The following ITGB6 variants were observed in gnomAD, a reference collection of about 807,000 sequenced individuals.
ITGB6 encodes integrin beta-6.
ITGB6 carries 80 observed loss-of-function variants against 84.5 expected under a neutral mutation model. That is an observed-to-expected ratio of 0.95 (90% confidence interval 0.79 to 1.14). The LOEUF (loss-of-function observed/expected upper bound fraction) is 1.14. Ranked by LOEUF, ITGB6 falls within the 50% of genes most tolerant of loss-of-function variation. ITGB6 has a pLI of 0.00. For synonymous variants in ITGB6, 383 were observed against 354.9 expected, an observed-to-expected ratio of 1.08 and a Z score of -0.89; for missense variants, 1,006 against 968.0, an observed-to-expected ratio of 1.04 and a Z score of -0.52.
intron 6 of ITGB6, among the ~76,000 whole-genome samples, chr2:160,171,793 T>C (rs536903620): frequency 6.6e-6 from 1 of 152,334 alleles, no homozygotes; most frequent in African/African-American, 2.4e-5. Context: ...CACATCTGCG[T>C]ATGCAACTGA....
intron 6 of ITGB6, among the ~76,000 whole-genome samples, chr2:160,169,579 T>C (rs534707194): frequency 6.7e-4 from 102 of 152,308 alleles, no homozygotes; most frequent in Admixed American, 1.2e-3. Flanking sequence ...AGAAGACCAT[T>C]TGAAATTTAT....
chr2:160,101,712 A>T lies in ITGB6; in HGVS notation c.*24T>A. On this transcript the variant is annotated 3_prime_UTR_variant, in exon 15 of 15. Transcript: ENST00000283249. ...TTAACATTTCATATCAGTGAAACAG[A>T]CTTTTTTCATGCATAAAGTAGTTCT... 7.9e-7 allele frequency: 1 copy of T among 1,258,114 alleles called. No homozygotes were observed. Among genetic ancestry groups the T allele is most frequent in the Non-Finnish European group, 1.2e-6 (1 of 857,606 alleles). The allele number at this position is 1,258,114 out of a possible 1,614,324, so 77.9% of individuals were successfully genotyped here. A position where few individuals can be genotyped will look rare whatever the true frequency, so the allele number is the denominator to read the frequency against.
At chr2:160,142,500 G>A (rs985422218) in intron 7 of ITGB6, among the ~76,000 whole-genome samples, 17 of 152,190 alleles carry the variant, frequency 1.1e-4, no homozygotes, top group Non-Finnish European at 1.8e-4. Context: ...GAATCAGGTC[G>A]CTCTGTAAGT....
At position 160,138,185 on chromosome 2, in the gene ITGB6, C is replaced by G; in HGVS notation, c.1122G>C (p.Glu374Asp). 1.2e-6 allele frequency: 2 copies of G among 1,609,514 alleles called. No individual in the cohort carries two copies. Residue 374 changes from glutamate to aspartate, a missense_variant, in exon 9 of 15, where the codon GAG (glutamate) becomes GAC (aspartate). Glu to Asp is a conservative substitution (Grantham distance 45). Coordinates refer to ENST00000283249, the MANE Select transcript of ITGB6 (RefSeq NM_000888.5). ...IISAYEELRS[E>D]VELEVLGDTE... Reference sequence around the variant, plus strand: ...TGTCTCCTAATACTTCCAGTTCCACCTCAGACCGCAGTTCCTTTAGTTACA... The same window carrying G: ...TGTCTCCTAATACTTCCAGTTCCACGTCAGACCGCAGTTCCTTTAGTTACA...
chr2:160,117,228 A>G (rs1682822726), intron 12 of ITGB6, among the ~76,000 whole-genome samples: 2 of 152,174 alleles, frequency 1.3e-5, no homozygotes, highest in Admixed American at 6.5e-5. Context: ...TCAGCACCAC[A>G]CCACACCTAT....
chr2:160,136,114 G>T (rs1683702138), intron 10 of ITGB6, among the ~76,000 whole-genome samples: 3 of 152,268 alleles, frequency 2.0e-5, no homozygotes, highest in African/African-American at 7.2e-5. Context: ...AGAGTGAACA[G>T]GCAACCTACA....
At position 160,126,394 on chromosome 2, in the gene ITGB6, G is replaced by T. The variant is rs768444834; in HGVS notation, c.1868C>A (p.Pro623His). Residue 623 changes from proline to histidine, a missense_variant, in exon 11 of 15, where the codon CCC (proline) becomes CAC (histidine). Coordinates refer to ENST00000283249, the MANE Select transcript of ITGB6 (RefSeq NM_000888.5). ...GAGACATTACCGTTTAGAGTTACAG[G>T]GGTCACCACAGGTAGGACATCGTTC... ...TCERCPTCGD[P>H]CNSKRSCIEC... 1 of 1,614,014 alleles carries T rather than the reference G, an allele frequency of 6.2e-7. No homozygotes were observed. Among genetic ancestry groups the T allele is most frequent in the Admixed American group, 1.7e-5 (1 of 60,012 alleles).
At chr2:160,165,809 A>G (rs1441271949) in intron 7 of ITGB6, among the ~76,000 whole-genome samples, 2 of 152,148 alleles carry the variant, frequency 1.3e-5, no homozygotes, top group African/African-American at 4.8e-5. Flanking sequence ...CAGAGTGTTC[A>G]TCTGCATCCA....
chr2:160,145,906 T>C (rs1684169309), intron 7 of ITGB6, among the ~76,000 whole-genome samples: 1 of 152,186 alleles, frequency 6.6e-6, no homozygotes. Context: ...TGTGCTTAGC[T>C]CTTCAGAACC....
chr2:160,190,957 T>G (rs572348961), intron 4 of ITGB6, among the ~76,000 whole-genome samples: 13 of 152,296 alleles, frequency 8.5e-5, no homozygotes, highest in African/African-American at 3.1e-4. Flanking sequence ...ACTTTGGAGT[T>G]CTAGTTGGAA....
In ITGB6 at chr2:160,174,817, G is replaced by A. The variant is rs545792532; in HGVS notation, c.594-678C>T. 9.9e-5 allele frequency among the ~76,000 whole-genome samples: 15 copies of A among 152,266 alleles called. 1 individual carries two copies. The South Asian group carries it at 3.1e-3, about 32-fold the overall frequency. ...GTTTCTAGCTGTGCATGAAACTTTG[G>A]GCAAGTTACTCAACACTTCTGAGCT... On this transcript the variant is annotated intron_variant, in intron 4 of 14. Coordinates refer to ENST00000283249, the MANE Select transcript of ITGB6 (RefSeq NM_000888.5).
intron 12 of ITGB6, among the ~76,000 whole-genome samples, chr2:160,116,113 C>T (rs1187720930): frequency 6.8e-6 from 1 of 147,524 alleles, no homozygotes; most frequent in East Asian, 1.9e-4. Context: ...GGAGAACTTC[C>T]CCAATCTAGC....
intron 7 of ITGB6, among the ~76,000 whole-genome samples, chr2:160,163,812 C>T (rs751536849): frequency 8.5e-5 from 13 of 152,102 alleles, no homozygotes; most frequent in Non-Finnish European, 1.8e-4. Context: ...ATGCAATTTG[C>T]ATAAGAAGGA....
rs140015315 is a variant in ITGB6 at position 160,195,535 on chromosome 2, C to T, written c.427G>A (p.Ala143Thr). The T allele has an allele frequency of 3.7e-5, 59 of 1,614,028 alleles. No homozygotes were observed. Among genetic ancestry groups the T allele is most frequent in the Middle Eastern group, 1.7e-4 (1 of 6,060 alleles). ...GTGTTGAGGTCGTCATCCATGGAGG[C>T]GGAGAGGTCCATGAGGTAATACAAA... Reference protein sequence around the residue: ...VDLYYLMDLSASMDDDLNTIK... With the variant: ...VDLYYLMDLSTSMDDDLNTIK... The change falls in exon 4 of 15, where the codon GCC becomes ACC. Residue 143 changes from alanine to threonine, a missense_variant. Coordinates refer to ENST00000283249, the MANE Select transcript of ITGB6 (RefSeq NM_000888.5).
chr2:160,183,546 C>T (rs796452080), intron 4 of ITGB6, among the ~76,000 whole-genome samples: 1 of 152,154 alleles, frequency 6.6e-6, no homozygotes, highest in Non-Finnish European at 1.5e-5. Context: ...TAGTGGGAGA[C>T]TTTCACACTC....
intron 7 of ITGB6, among the ~76,000 whole-genome samples, chr2:160,151,932 C>G (rs1464060768): frequency 6.6e-6 from 1 of 152,056 alleles, no homozygotes; most frequent in Non-Finnish European, 1.5e-5. Flanking sequence ...CAATAACAGG[C>G]TCCAAAATTG....
intron 7 of ITGB6, among the ~76,000 whole-genome samples, chr2:160,150,296 C>T (rs1247683727): frequency 6.6e-6 from 1 of 152,112 alleles, no homozygotes; most frequent in Non-Finnish European, 1.5e-5. Context: ...GAGTGGGGGC[C>T]AATATTCAAC....
rs1697071014 is a variant in ITGB6, at chr2:160,110,086, A to G, written c.2101+1994T>C. On this transcript the variant is annotated intron_variant, in intron 13 of 14. Coordinates refer to ENST00000283249, the MANE Select transcript of ITGB6 (RefSeq NM_000888.5). Reference sequence around the variant, plus strand: ...CAGTTCTGTCGGATGATGCTGATCTAACATCTTTTTGTGATTCAGATAGTT... The same window carrying G: ...CAGTTCTGTCGGATGATGCTGATCTGACATCTTTTTGTGATTCAGATAGTT... Among the ~76,000 whole-genome samples the G allele has an allele frequency of 2.6e-5, 4 of 152,180 alleles. 1 individual carries two copies. In the South Asian group the frequency reaches 8.3e-4, roughly 31 times the overall value.
intron 6 of ITGB6, 28 bp downstream of exon 6, chr2:160,172,541 A>G (rs1240023149): frequency 6.5e-7 from 1 of 1,549,926 alleles, no homozygotes; most frequent in African/African-American, 1.3e-5. Context: ...TATAGCCCTG[A>G]AAACAGTACA....
Sources: allele counts gnomAD v4.1 joint callset (sites outside exome capture counted in the v4.1 genomes callset), GRCh38; gene constraint gnomAD v4.1.1; transcripts MANE v1.5; gene names NCBI Gene and HGNC (gene_info 2026-07-23, HGNC 2026-07-21).